Variants in SEC31B observed in about 807,000 individuals in gnomAD.
SEC31B encodes SEC31 homolog B, COPII component.
SEC31B carries 113 observed loss-of-function variants against 135.0 expected under a neutral mutation model. The observed-to-expected ratio is 0.84, with a 90% confidence interval of 0.72 to 0.98. SEC31B has a LOEUF of 0.98. SEC31B is among the 50% of genes least tolerant of loss of function. SEC31B has a pLI of 0.00. For synonymous variants in SEC31B, 508 were observed against 549.4 expected (o/e 0.92, Z 1.05); for missense variants, 1,296 against 1,421.1 (o/e 0.91, Z 1.42).
At position 100,487,517 on chromosome 10, in the gene SEC31B, C is replaced by T. The variant is rs563874109; in HGVS notation, c.*99G>A. On this transcript the variant is annotated 3_prime_UTR_variant, in exon 26 of 26. Transcript: ENST00000370345. ...CATACCTGGCAGCAAGGAAAAGAGTCGGGAAAAAGAAACAGAATCTGTTGC... is the reference window on the plus strand; with the variant it reads ...CATACCTGGCAGCAAGGAAAAGAGTTGGGAAAAAGAAACAGAATCTGTTGC... The T allele has an allele frequency of 5.4e-5, 63 of 1,174,182 alleles. No homozygotes were observed. The highest frequency in any genetic ancestry group is 1.5e-4 in the East Asian group (6 of 39,014). 72.7% of individuals were successfully genotyped at this position (1,174,182 alleles called of 1,614,324 possible).
At chr10:100,488,193 C>A in intron 24 of SEC31B, 95 bp from the exon 25 acceptor site, 2 of 1,144,460 alleles carry the variant, frequency 1.7e-6, no homozygotes, top group Non-Finnish European at 2.6e-6. Context: ...GGCATGGTGG[C>A]TCACGCCTGT....
chr10:100,503,253 GA>G (rs1851556303), intron 10 of SEC31B, among the ~76,000 whole-genome samples: 1 of 152,024 alleles, frequency 6.6e-6, no homozygotes, highest in Non-Finnish European at 1.5e-5. Flanking sequence ...CAGGACCTTA[GA>G]AAAACCCTTT....
In SEC31B at chr10:100,506,123, C is replaced by A. The variant is rs770331490; in HGVS notation, c.961G>T (p.Ala321Ser). Residue 321 changes from alanine (A) to serine (S), a missense_variant, in exon 9 of 26, where the codon GCT becomes TCT. By Grantham distance (99) the Ala-to-Ser change is moderately conservative. Transcript: ENST00000370345. The part of the protein sequence containing the change: ...WCPRDPSVFS[A>S]ASFNGWISLY... ...CTGATCCAGCCGTTGAAGGAGGCAGCAGAGAACACTGAAGGGTCCCGAGGG... is the reference window on the plus strand; with the variant it reads ...CTGATCCAGCCGTTGAAGGAGGCAGAAGAGAACACTGAAGGGTCCCGAGGG... The A allele has an allele frequency of 6.2e-7, 1 of 1,614,230 alleles. No individual in the cohort carries two copies.
chr10:100,516,204 T>C lies in SEC31B; in HGVS notation c.95A>G (p.Gln32Arg). 2 of 1,613,822 alleles carry C rather than the reference T, an allele frequency of 1.2e-6. No homozygotes were observed. The highest frequency in any genetic ancestry group is 1.7e-4 in the Middle Eastern group (1 of 6,060). ...ATTTGTGCTGAAGGAGGAATCTAGC[T>C]GTTGGGCAGATGTTCCTAGGCACAA... ...LYLATGTSAQQLDSSFSTNGT... is the reference protein window; with the variant it reads ...LYLATGTSAQRLDSSFSTNGT... The change falls in exon 3 of 26, where the codon CAG becomes CGG. Residue 32 changes from glutamine to arginine, a missense_variant. Gln to Arg is a conservative substitution (Grantham distance 43). Transcript: ENST00000370345.
At chr10:100,510,053 G>C (rs2133694528) in intron 3 of SEC31B, among the ~76,000 whole-genome samples, 1 of 152,356 alleles carries the variant, frequency 6.6e-6, no homozygotes, top group Non-Finnish European at 1.5e-5. Context: ...CACAGAGGTA[G>C]TAATTTTATC....
intron 17 of SEC31B, 43 bp downstream of exon 17, chr10:100,497,092 G>A (rs928942044): frequency 6.2e-7 from 1 of 1,600,782 alleles, no homozygotes; most frequent in Non-Finnish European, 8.6e-7. Flanking sequence ...AGCCTCCTAA[G>A]GGCCTGGTGT....
intron 11 of SEC31B, chr10:100,501,540 A>G (rs1450723461): frequency 6.6e-6 from 1 of 152,262 alleles, no homozygotes; most frequent in East Asian, 1.9e-4. Flanking sequence ...CCTAAAGCTC[A>G]AATTTCAAGT....
At chr10:100,496,010 C>T (rs1851401433) in intron 18 of SEC31B, among the ~76,000 whole-genome samples, 1 of 152,144 alleles carries the variant, frequency 6.6e-6, no homozygotes, top group Admixed American at 6.5e-5. Context: ...AGAAGCCTTC[C>T]TTGACTTCTC....
At chr10:100,489,792 C>T (rs376242499) in intron 21 of SEC31B, 31 bp from the exon 22 acceptor site, 68 of 1,612,906 alleles carry the variant, frequency 4.2e-5, no homozygotes, top group Admixed American at 8.4e-5. Flanking sequence ...GGTTTTTCGG[C>T]GCATAGTGAA....
chr10:100,499,663 C>T (rs1254343511), intron 11 of SEC31B, 65 bp from the exon 12 acceptor site: 5 of 1,228,030 alleles, frequency 4.1e-6, no homozygotes, highest in East Asian at 2.3e-5. Context: ...CTTCCTACAA[C>T]AAGCTGGGTA....
chr10:100,496,983 A>G (rs1440359744), intron 17 of SEC31B, 152 bp downstream of exon 17: 3 of 746,714 alleles, frequency 4.0e-6, no homozygotes, highest in Non-Finnish European at 6.2e-6. Flanking sequence ...GAAGAGGAGA[A>G]GATCCCAGAC....
chr10:100,505,396 TG>T lies in SEC31B; in HGVS notation c.1143del (p.Lys382AsnfsTer37). On this transcript the variant is annotated frameshift_variant, in exon 10 of 26. Transcript: ENST00000370345. LOFTEE classifies it high-confidence loss of function. ...APLIPPLKKPPKWIRRPTGVS... is the reference protein window; with the variant it reads ...APLIPPLKKPXKWIRRPTGVS... ...ACACCTGTTGGTCTTCTAATCCATT[TG>T]GGGGGTTTTTTCAGGGGAGGTATCA... 6.2e-7 allele frequency: 1 copy of T among 1,612,678 alleles called. No homozygotes were observed. Among genetic ancestry groups the T allele is most frequent in the Non-Finnish European group, 8.5e-7 (1 of 1,179,316 alleles).
intron 3 of SEC31B, 126 bp from the exon 4 acceptor site, chr10:100,509,637 C>G: frequency 4.4e-6 from 3 of 674,852 alleles, no homozygotes; most frequent in Non-Finnish European, 2.4e-6. Context: ...TTGCCTGTCT[C>G]CTTCATTTCC....
chr10:100,487,878 G>T lies in SEC31B; in HGVS notation c.3361-83C>A, dbSNP rs947334915. 4.5e-6 allele frequency: 7 copies of T among 1,565,858 alleles called. No individual in the cohort carries two copies. The African/African-American group carries it at 9.5e-5, about 21-fold the overall frequency. On this transcript the variant is annotated intron_variant, in intron 25 of 25. Coordinates refer to ENST00000370345, the MANE Select transcript of SEC31B (RefSeq NM_015490.4). ...ATGGAAGGGATAAGGGAAGACTTAA[G>T]TTCTGGGGCCCAGTCCAGGCAAGAT...
intron 24 of SEC31B, 59 bp downstream of exon 24, chr10:100,488,798 AG>A (rs1031783917): frequency 6.6e-7 from 1 of 1,512,152 alleles, no homozygotes; most frequent in African/African-American, 1.4e-5. Flanking sequence ...TCCACAGCTG[AG>A]GGGTCCTGGA....
At position 100,509,391 on chromosome 10, in the gene SEC31B, C is replaced by T. The variant is rs754418353; in HGVS notation, c.324G>A (p.Ser108=). The T allele has an allele frequency of 3.5e-5, 56 of 1,614,032 alleles. No individual in the cohort carries two copies. The East Asian group carries it at 7.1e-4, about 21-fold the overall frequency. Residue 108 remains serine (S), a synonymous_variant, in exon 4 of 26, where the codon TCG becomes TCA. Coordinates refer to ENST00000370345, the MANE Select transcript of SEC31B (RefSeq NM_015490.4). Reference sequence around the variant, plus strand: ...TCTGAGCAATCACAGGCTCCTTCCCCGAAGACAGGATGTGGGTCACATTGT... The same window carrying T: ...TCTGAGCAATCACAGGCTCCTTCCCTGAAGACAGGATGTGGGTCACATTGT... ...ILYNVTHILS[S]GKEPVIAQKQ... is the part of the protein sequence containing the mutation.
intron 11 of SEC31B, chr10:100,500,262 C>T (rs1202931885): frequency 2.7e-5 from 12 of 451,522 alleles, no homozygotes; most frequent in Middle Eastern, 3.9e-4. Flanking sequence ...CATATCCTTC[C>T]GAGGAGACTG....
At position 100,490,112 on chromosome 10, in the gene SEC31B, G is replaced by A; in HGVS notation, c.2861C>T (p.Thr954Ile). ...AGGGAAGCTTGCAGGAGGGGCTGGG[G>A]TGTGGGAGACCATGCGGCCGGGACC... ...PLGPGRMVSH[T>I]PAPPASFPVP... Residue 954 changes from threonine to isoleucine, a missense_variant, in exon 21 of 26, where the codon ACC (threonine) becomes ATC (isoleucine). Coordinates refer to ENST00000370345, the MANE Select transcript of SEC31B (RefSeq NM_015490.4). 3 of 1,588,446 alleles carry A rather than the reference G, an allele frequency of 1.9e-6. No homozygotes were observed. The highest frequency in any genetic ancestry group is 2.6e-6 in the Non-Finnish European group (3 of 1,168,476).
chr10:100,502,317 G>A lies in SEC31B; in HGVS notation c.1347C>T (p.Tyr449=). The A allele has an allele frequency of 6.2e-7, 1 of 1,614,178 alleles. No individual in the cohort carries two copies. The highest frequency in any genetic ancestry group is 8.5e-7 in the Non-Finnish European group (1 of 1,180,022). Residue 449 remains tyrosine, a synonymous_variant, in exon 11 of 26, where the codon TAC becomes TAT. Transcript: ENST00000370345. ...AAGCTTGCTGGCTCTTGTTCTGACAGTAATTCAGTAGATTTCCTGATCCCA... is the reference window on the plus strand; with the variant it reads ...AAGCTTGCTGGCTCTTGTTCTGACAATAATTCAGTAGATTTCCTGATCCCA... The part of the protein sequence containing the change: ...EALGSGNLLN[Y]CQNKSQQALL...
Sources: allele counts gnomAD v4.1 joint callset (sites outside exome capture counted in the v4.1 genomes callset), GRCh38; gene constraint gnomAD v4.1.1; transcripts MANE v1.5; gene names NCBI Gene and HGNC (gene_info 2026-07-23, HGNC 2026-07-21).